GNB4: variants seen among roughly 807,000 people sequenced by gnomAD.
The protein encoded by GNB4 is G protein subunit beta 4, also known as guanine nucleotide-binding protein subunit beta-4.
A neutral mutation model predicts 45.2 loss-of-function variants in GNB4; 28 were observed. The observed-to-expected ratio is 0.62, with a 90% CI of 0.46 to 0.85. The LOEUF is 0.85. Among genes scored for constraint, GNB4 ranks in the 40% least tolerant of loss-of-function variants. The pLI is 0.00. For missense variants in GNB4, 321 were observed against 425.4 expected (o/e 0.75, Z 2.16); for synonymous variants, 132 against 143.7 (o/e 0.92, Z 0.58).
the GNB4 span, among the ~76,000 whole-genome samples, chr3:179,489,773 A>G: frequency 4.9e-4 from 75 of 152,380 alleles, no homozygotes; most frequent in East Asian, 0.012. Flanking sequence ...GAGAATTGTC[A>G]TACATGATAT....
chr3:179,458,920 A>G, the GNB4 span, among the ~76,000 whole-genome samples: 1 of 152,220 alleles, frequency 6.6e-6, no homozygotes, highest in Non-Finnish European at 1.5e-5. Context: ...TCTGCTTTTA[A>G]ACAAATTTCC....
chr3:179,446,570 T>G (rs1367139470), intron 1 of GNB4, among the ~76,000 whole-genome samples: 1 of 152,236 alleles, frequency 6.6e-6, no homozygotes, highest in Non-Finnish European at 1.5e-5. Flanking sequence ...TTAACTAAAG[T>G]TAAAATTTTC....
the GNB4 span, among the ~76,000 whole-genome samples, chr3:179,467,652 AAAGT>A: frequency 2.7e-3 from 408 of 152,298 alleles, 2 homozygotes; most frequent in Admixed American, 7.2e-3. Flanking sequence ...TGTTTTGGAG[AAAGT>A]AAGTGTCAGA....
the GNB4 span, among the ~76,000 whole-genome samples, chr3:179,486,308 G>A: frequency 1.3e-5 from 2 of 150,702 alleles, no homozygotes; most frequent in South Asian, 4.2e-4. Context: ...TCATTCTTCT[G>A]TTAAAATTTT....
the GNB4 span, among the ~76,000 whole-genome samples, chr3:179,519,992 G>A: frequency 2.6e-5 from 4 of 152,208 alleles, no homozygotes; most frequent in East Asian, 1.9e-4. Flanking sequence ...GTTAGTTCAG[G>A]ATCTGCGCCT....
At chr3:179,464,682 T>C in the GNB4 span, 4 of 1,079,010 alleles carry the variant, frequency 3.7e-6, no homozygotes, top group Admixed American at 6.8e-5. Context: ...AGAGGAAGAA[T>C]TGTTGAATTT....
intron 9 of GNB4, among the ~76,000 whole-genome samples, chr3:179,403,989 A>G (rs1714388192): frequency 2.0e-5 from 3 of 152,212 alleles, no homozygotes; most frequent in Admixed American, 6.5e-5. Context: ...CTATAGGGTA[A>G]TGAGTTTCCG....
Position 179,419,458 on chromosome 3 carries a change from T to A in GNB4, c.144A>T (p.Arg48Ser). The stretch of plus-strand genomic sequence containing the variant: ...TAGCTAGGTGGCCCCTCAGTGTACG[T>A]CTTGTTCGCATTTGTATTCGACCCA... Reference protein sequence around the residue: ...DSVGRIQMRTRRTLRGHLAKI... With the variant: ...DSVGRIQMRTSRTLRGHLAKI... The change falls in exon 4 of 10, where the codon AGA becomes AGT. Residue 48 changes from arginine to serine, a missense_variant. By Grantham distance (110) the Arg-to-Ser change is moderately radical. Coordinates refer to ENST00000232564, the MANE Select transcript of GNB4 (RefSeq NM_021629.4). 1 of 1,613,430 alleles carries A rather than the reference T, an allele frequency of 6.2e-7. No homozygotes were observed. Among genetic ancestry groups the A allele is most frequent in the Non-Finnish European group, 8.5e-7 (1 of 1,179,344 alleles).
intron 1 of GNB4, among the ~76,000 whole-genome samples, chr3:179,431,834 G>A (rs1715319848): frequency 6.6e-6 from 1 of 152,168 alleles, no homozygotes; most frequent in South Asian, 2.1e-4. Flanking sequence ...GTGTTCAGCT[G>A]TTAACAGCTT....
chr3:179,438,876 T>C (rs761161665), intron 1 of GNB4, among the ~76,000 whole-genome samples: 6 of 152,196 alleles, frequency 3.9e-5, no homozygotes, highest in Non-Finnish European at 7.3e-5. Context: ...AAGATTTAAA[T>C]ACTTGCCCCA....
chr3:179,441,476 G>A (rs2108617977), intron 1 of GNB4, among the ~76,000 whole-genome samples: 1 of 152,276 alleles, frequency 6.6e-6, no homozygotes, highest in East Asian at 1.9e-4. Flanking sequence ...GCTCATGCCT[G>A]TAATTCTAGC....
chr3:179,519,409 G>A, the GNB4 span, among the ~76,000 whole-genome samples: 11 of 152,262 alleles, frequency 7.2e-5, no homozygotes, highest in Middle Eastern at 3.4e-3. Flanking sequence ...TCACAGTGGA[G>A]GGTAAGTCCA....
chr3:179,423,378 C>G (rs1715049623), intron 2 of GNB4, among the ~76,000 whole-genome samples: 1 of 152,218 alleles, frequency 6.6e-6, no homozygotes, highest in Non-Finnish European at 1.5e-5. Flanking sequence ...CTGCCACTTG[C>G]TGGCAGCAGA....
At chr3:179,427,725 G>A (rs1447370142) in intron 1 of GNB4, among the ~76,000 whole-genome samples, 1 of 151,712 alleles carries the variant, frequency 6.6e-6, no homozygotes, top group Non-Finnish European at 1.5e-5. Flanking sequence ...AAAGCAACCT[G>A]AAATAGCTTA....
intron 1 of GNB4, among the ~76,000 whole-genome samples, chr3:179,426,941 T>C (rs1307527611): frequency 3.9e-5 from 6 of 152,058 alleles, no homozygotes; most frequent in Admixed American, 3.3e-4. Context: ...TCCACTCCAC[T>C]AAACTCTATC....
chr3:179,418,573 C>T (rs773036806), intron 4 of GNB4, among the ~76,000 whole-genome samples: 21 of 151,864 alleles, frequency 1.4e-4, no homozygotes, highest in Non-Finnish European at 2.9e-4. Flanking sequence ...GTAAGAGGCA[C>T]ATGTTCTATA....
the GNB4 span, among the ~76,000 whole-genome samples, chr3:179,482,014 C>A: frequency 2.0e-5 from 3 of 152,046 alleles, no homozygotes; most frequent in African/African-American, 4.8e-5. Context: ...ACAATCCTCC[C>A]GGCTCAGCCT....
At chr3:179,520,611 C>A in the GNB4 span, among the ~76,000 whole-genome samples, 16 of 152,244 alleles carry the variant, frequency 1.1e-4, no homozygotes, top group African/African-American at 2.4e-4. Flanking sequence ...TTTCTTCCTC[C>A]CACCTGACGC....
Position 179,396,215 on chromosome 3 carries a change from T to TACA in GNB4, c.*4997_*4998insTGT, listed in dbSNP as rs962470970. On this transcript the variant is annotated 3_prime_UTR_variant, in exon 10 of 10. Coordinates refer to ENST00000232564, the MANE Select transcript of GNB4 (RefSeq NM_021629.4). ...ACAGTTAAATCATGATACAAGTCCA[T>TACA]AGTTTATATGGTTTAGAGCTTTAAG... The TACA allele has an allele frequency of 9.2e-5, 14 of 152,314 alleles. No individual in the cohort carries two copies. The highest frequency in any genetic ancestry group is 3.1e-4 in the African/African-American group (13 of 41,564). The allele number at this position is 152,314 out of a possible 1,614,324, so 9.4% of individuals were successfully genotyped here.
Sources: gnomAD v4.1 joint callset for allele counts (sites outside exome capture counted in the v4.1 genomes callset) on GRCh38, gnomAD v4.1.1 for gene constraint, MANE v1.5 for transcripts, NCBI Gene and HGNC (gene_info 2026-07-23, HGNC 2026-07-21) for gene names.